ARMC2: variants seen among roughly 807,000 people sequenced by gnomAD.
ARMC2 encodes the protein armadillo repeat-containing protein 2.
In ARMC2, 67 loss-of-function variants were observed where a neutral mutation model predicts 90.3. The observed-to-expected ratio is 0.74, with a 90% CI of 0.61 to 0.91. The LOEUF (loss-of-function observed/expected upper bound fraction) is 0.91, where lower values mean the gene tolerates loss of function less well. ARMC2 is among the 40% of genes least tolerant of loss of function. The pLI, the probability that ARMC2 is intolerant of heterozygous loss-of-function variation, is 0.00. For missense variants in ARMC2, 920 were observed against 1,030.9 expected (o/e 0.89, Z 1.47); for synonymous variants, 393 against 393.0 (o/e 1.00, Z 0.00).
At chr6:108,991,087 A>AAAAAAACT in the ARMC2 span, among the ~76,000 whole-genome samples, 3 of 152,134 alleles carry the variant, frequency 2.0e-5, no homozygotes, top group African/African-American at 7.2e-5. Flanking sequence ...AACAACAAAA[A>AAAAAAACT]AAAACTAATA....
the ARMC2 span, chr6:108,998,588 G>T: frequency 6.2e-7 from 1 of 1,613,952 alleles, no homozygotes; most frequent in Non-Finnish European, 8.5e-7. Flanking sequence ...AGATGCAGTA[G>T]TTGCTAACAG....
chr6:109,010,570 T>C, the ARMC2 span, among the ~76,000 whole-genome samples: 1 of 152,228 alleles, frequency 6.6e-6, no homozygotes, highest in Non-Finnish European at 1.5e-5. Context: ...CGTGTCTCAG[T>C]GAAAACTAAG....
the ARMC2 span, among the ~76,000 whole-genome samples, chr6:109,030,309 T>C: frequency 6.6e-6 from 1 of 152,172 alleles, no homozygotes; most frequent in South Asian, 2.1e-4. Context: ...ATCAAATAAA[T>C]TTCTTAGGAC....
At chr6:108,936,805 G>A (rs1467582628) in intron 11 of ARMC2, 95 bp from the exon 12 acceptor site, 3 of 1,012,910 alleles carry the variant, frequency 3.0e-6, no homozygotes, top group Admixed American at 2.2e-5. Context: ...ACTGGGCAAT[G>A]TTTTGAAGGT....
chr6:108,955,597 C>G (rs772392834), intron 13 of ARMC2, among the ~76,000 whole-genome samples: 1 of 152,098 alleles, frequency 6.6e-6, no homozygotes, highest in Non-Finnish European at 1.5e-5. Flanking sequence ...TCTTGAGAAA[C>G]GACTCTTCAC....
chr6:108,874,299 A>G (rs1776725739), intron 4 of ARMC2, among the ~76,000 whole-genome samples: 1 of 152,192 alleles, frequency 6.6e-6, no homozygotes, highest in African/African-American at 2.4e-5. Context: ...CCCTTCTAGA[A>G]GCTCCATGAT....
the ARMC2 span, among the ~76,000 whole-genome samples, chr6:109,014,887 A>G: frequency 5.6e-4 from 85 of 152,308 alleles, 1 homozygote; most frequent in Non-Finnish European, 9.1e-4. Context: ...AAATCACACT[A>G]ATTTTGTAAG....
chr6:108,908,144 G>GC (rs1169130011), intron 8 of ARMC2, among the ~76,000 whole-genome samples: 3 of 151,976 alleles, frequency 2.0e-5, no homozygotes, highest in Non-Finnish European at 4.4e-5. Flanking sequence ...GTGCTGGGGG[G>GC]GGCCTGAGAT....
chr6:108,954,573 G>A (rs1173034403), intron 13 of ARMC2, among the ~76,000 whole-genome samples: 4 of 152,150 alleles, frequency 2.6e-5, no homozygotes, highest in Non-Finnish European at 5.9e-5. Context: ...GCAGTGGGCC[G>A]AGATCGTGCC....
the ARMC2 span, among the ~76,000 whole-genome samples, chr6:108,993,580 A>G: frequency 6.6e-6 from 1 of 152,180 alleles, no homozygotes; most frequent in Non-Finnish European, 1.5e-5. Flanking sequence ...CCACTCTATT[A>G]TATTGTCAAA....
chr6:108,961,264 G>A (rs547391172), intron 13 of ARMC2, among the ~76,000 whole-genome samples: 5 of 152,294 alleles, frequency 3.3e-5, no homozygotes, highest in Middle Eastern at 3.4e-3. Context: ...GCTCACTGCC[G>A]TGTTGGCCCC....
At chr6:108,917,981 G>A (rs1277825757) in intron 10 of ARMC2, among the ~76,000 whole-genome samples, 3 of 152,116 alleles carry the variant, frequency 2.0e-5, no homozygotes, top group Non-Finnish European at 1.5e-5. Context: ...GCTCCCGGCC[G>A]AAATTAGCTT....
chr6:108,918,997 A>T (rs1774274265), intron 10 of ARMC2, among the ~76,000 whole-genome samples: 1 of 152,216 alleles, frequency 6.6e-6, no homozygotes, highest in South Asian at 2.1e-4. Flanking sequence ...GGCTTTGATA[A>T]GCAATGTAGA....
the ARMC2 span, among the ~76,000 whole-genome samples, chr6:109,005,838 A>G: frequency 6.6e-6 from 1 of 152,232 alleles, no homozygotes; most frequent in Admixed American, 6.5e-5. Context: ...TACAAATTAT[A>G]CAAACGTGAG....
the ARMC2 span, among the ~76,000 whole-genome samples, chr6:109,048,851 T>C: frequency 6.6e-6 from 1 of 152,174 alleles, no homozygotes; most frequent in Non-Finnish European, 1.5e-5. Context: ...TATGGCCATA[T>C]ATCACAGGCT....
the ARMC2 span, among the ~76,000 whole-genome samples, chr6:109,004,308 C>T: frequency 6.6e-6 from 1 of 152,028 alleles, no homozygotes; most frequent in African/African-American, 2.4e-5. Flanking sequence ...AAGACTTTCA[C>T]ATGGGAAAAA....
chr6:108,953,780 T>TC (rs964876451), intron 13 of ARMC2, among the ~76,000 whole-genome samples: 2 of 152,228 alleles, frequency 1.3e-5, no homozygotes, highest in Non-Finnish European at 2.9e-5. Context: ...TCCTTTTTTT[T>TC]CCTCTTCAGG....
At chr6:108,851,189 T>G (rs1773979191) in intron 1 of ARMC2, among the ~76,000 whole-genome samples, 1 of 152,176 alleles carries the variant, frequency 6.6e-6, no homozygotes, top group Non-Finnish European at 1.5e-5. Flanking sequence ...TATGTCTTGA[T>G]GCTCTGCGCT....
At chr6:108,953,418 G>A (rs1476632241) in intron 13 of ARMC2, 67 bp downstream of exon 13, 4 of 1,445,418 alleles carry the variant, frequency 2.8e-6, no homozygotes, top group East Asian at 2.4e-5. Context: ...AGACAGTTCT[G>A]TGTCTGTGGT....
Sources: gnomAD v4.1 joint callset for allele counts (sites outside exome capture counted in the v4.1 genomes callset) on GRCh38, gnomAD v4.1.1 for gene constraint, MANE v1.5 for transcripts, NCBI Gene and HGNC (gene_info 2026-07-23, HGNC 2026-07-21) for gene names.